Variants in LOC128462377 observed in about 807,000 individuals in gnomAD.
chr16:89,330,682 C>T, the LOC128462377 span, among the ~76,000 whole-genome samples: 20 of 20,338 alleles, frequency 9.8e-4, 1 homozygote, highest in African/African-American at 3.2e-3. Flanking sequence ...GGGGCGGGGG[C>T]GGAGGAAGCT....
the LOC128462377 span, chr16:89,324,001 C>G: frequency 8.8e-6 from 2 of 227,492 alleles, no homozygotes; most frequent in East Asian, 2.9e-4. Context: ...AAACCAAACC[C>G]CCAGTGTGCC....
chr16:89,398,565 T>A, the LOC128462377 span, among the ~76,000 whole-genome samples: 3 of 152,162 alleles, frequency 2.0e-5, no homozygotes, highest in South Asian at 4.1e-4. Flanking sequence ...AAAAAATTTT[T>A]TTTTAACAAA....
At chr16:89,405,589 C>G in the LOC128462377 span, among the ~76,000 whole-genome samples, 1 of 151,912 alleles carries the variant, frequency 6.6e-6, no homozygotes, top group Non-Finnish European at 1.5e-5. Context: ...CCGCCTCAGC[C>G]TCCCAAAGTG....
the LOC128462377 span, chr16:89,323,145 G>C: frequency 1.4e-5 from 5 of 367,530 alleles, no homozygotes; most frequent in African/African-American, 2.2e-5. Context: ...GGAGAAGCAC[G>C]GTCTCCAGCG....
At chr16:89,414,386 C>A in the LOC128462377 span, among the ~76,000 whole-genome samples, 1 of 152,206 alleles carries the variant, frequency 6.6e-6, no homozygotes, top group Non-Finnish European at 1.5e-5. Flanking sequence ...CACGGCCACA[C>A]TCACTGGGAA....
At chr16:89,416,127 TG>T in the LOC128462377 span, among the ~76,000 whole-genome samples, 1 of 152,180 alleles carries the variant, frequency 6.6e-6, no homozygotes, top group Non-Finnish European at 1.5e-5. Context: ...ATTATTACTG[TG>T]GCATGGTCAA....
At chr16:89,329,969 G>A in the LOC128462377 span, among the ~76,000 whole-genome samples, 1 of 148,408 alleles carries the variant, frequency 6.7e-6, no homozygotes, top group South Asian at 2.1e-4. Flanking sequence ...CAGCCTGGGC[G>A]ACAGACAAGA....
chr16:89,369,660 C>T, the LOC128462377 span, among the ~76,000 whole-genome samples: 5 of 152,288 alleles, frequency 3.3e-5, no homozygotes, highest in East Asian at 1.9e-4. Flanking sequence ...CTTGTGGTGA[C>T]GCAAGGGTTT....
the LOC128462377 span, among the ~76,000 whole-genome samples, chr16:89,350,528 T>C: frequency 6.6e-6 from 1 of 152,120 alleles, no homozygotes. Flanking sequence ...AAAAGGAAGA[T>C]GAAACACACC....
the LOC128462377 span, among the ~76,000 whole-genome samples, chr16:89,346,877 CAG>C: frequency 6.6e-6 from 1 of 152,168 alleles, no homozygotes; most frequent in African/African-American, 2.4e-5. Context: ...AAACATGTAA[CAG>C]AGACTAAACA....
chr16:89,359,971 G>A, the LOC128462377 span, among the ~76,000 whole-genome samples: 50 of 152,068 alleles, frequency 3.3e-4, no homozygotes, highest in East Asian at 2.1e-3. Context: ...GCAGTGGGCG[G>A]GGGGGGAGGT....
At chr16:89,411,236 G>A in the LOC128462377 span, among the ~76,000 whole-genome samples, 12 of 152,208 alleles carry the variant, frequency 7.9e-5, no homozygotes, top group African/African-American at 2.2e-4. Context: ...GTGCCACCAC[G>A]GGGGCCCAGG....
the LOC128462377 span, among the ~76,000 whole-genome samples, chr16:89,338,726 C>CAAAA: frequency 6.9e-3 from 297 of 42,808 alleles, 2 homozygotes; most frequent in Middle Eastern, 0.016. Flanking sequence ...CACTCAGTCT[C>CAAAA]AAAAAAAAAA....
the LOC128462377 span, among the ~76,000 whole-genome samples, chr16:89,330,511 C>G: frequency 6.6e-6 from 1 of 151,818 alleles, no homozygotes; most frequent in Non-Finnish European, 1.5e-5. Context: ...TGAGGGTCCC[C>G]GTGACGTGGC....
the LOC128462377 span, among the ~76,000 whole-genome samples, chr16:89,348,840 AT>A: frequency 6.6e-6 from 1 of 150,530 alleles, no homozygotes; most frequent in South Asian, 2.1e-4. Flanking sequence ...CTCCTGATCC[AT>A]TTGGCTAAGG....
the LOC128462377 span, among the ~76,000 whole-genome samples, chr16:89,366,867 G>A: frequency 6.6e-6 from 1 of 152,198 alleles, no homozygotes; most frequent in Non-Finnish European, 1.5e-5. Flanking sequence ...AGCCACTCAC[G>A]GCCTCTGTCA....
the LOC128462377 span, among the ~76,000 whole-genome samples, chr16:89,349,134 TAA>T: frequency 6.0e-4 from 10 of 16,578 alleles, no homozygotes; most frequent in East Asian, 2.4e-3. Flanking sequence ...TCTCAAAAAG[TAA>T]AAAAAAAAAA....
the LOC128462377 span, among the ~76,000 whole-genome samples, chr16:89,402,994 A>G: frequency 6.6e-6 from 1 of 152,182 alleles, no homozygotes; most frequent in Non-Finnish European, 1.5e-5. Context: ...GAGCAAGGCC[A>G]GTCACCTCAG....
At chr16:89,401,600 A>G in the LOC128462377 span, among the ~76,000 whole-genome samples, 1 of 152,102 alleles carries the variant, frequency 6.6e-6, no homozygotes, top group Non-Finnish European at 1.5e-5. Flanking sequence ...TACTGGTGTT[A>G]TGAGTTGAAA....
Sources: gnomAD v4.1 joint callset for allele counts (sites outside exome capture counted in the v4.1 genomes callset) on GRCh38, gnomAD v4.1.1 for gene constraint, MANE v1.5 for transcripts.